TLE7: variants seen among roughly 807,000 people sequenced by gnomAD.
TLE7 encodes transducin-like enhancer protein 7.
At chr16:71,433,485 G>T in intron 1 of TLE7, 65 bp from the exon 2 acceptor site, 1 of 396,964 alleles carries the variant, frequency 2.5e-6, no homozygotes, top group East Asian at 3.6e-5. Flanking sequence ...TTTAGAAGGG[G>T]CAGAGAATGT....
At chr16:71,435,704 C>G (rs1452388343) in intron 1 of TLE7, among the ~76,000 whole-genome samples, 1 of 152,184 alleles carries the variant, frequency 6.6e-6, no homozygotes, top group Admixed American at 6.5e-5. Context: ...GACATTCAAA[C>G]CTATGTTAAA....
At chr16:71,436,820 A>AGGAACACTCTCTTTG (rs1261177561) in intron 1 of TLE7, among the ~76,000 whole-genome samples, 2 of 152,224 alleles carry the variant, frequency 1.3e-5, no homozygotes, top group African/African-American at 4.8e-5. Flanking sequence ...GCAAAGACTG[A>AGGAACACTCTCTTTG]GGAACACTCT....
rs1006246031 is a variant in TLE7 at position 71,432,912 on chromosome 16, G to C, written c.312-20C>G. The stretch of plus-strand genomic sequence containing the variant: ...AGGAAGCTACAACACATGGAGAGAG[G>C]GAGGGAGGAGACAGAGTGTGAGCCA... On this transcript the variant is annotated intron_variant, in intron 2 of 9. Transcript: ENST00000561754. 4.3e-5 allele frequency: 17 copies of C among 398,900 alleles called. No individual in the cohort carries two copies. Among genetic ancestry groups the C allele is most frequent in the Non-Finnish European group, 1.3e-5 (3 of 226,436 alleles). 24.7% of individuals were successfully genotyped at this position (398,900 alleles called of 1,614,324 possible). A position where few individuals can be genotyped will look rare whatever the true frequency, so the allele number is the denominator to read the frequency against.
At chr16:71,437,824 C>CT (rs2042832215) in intron 1 of TLE7, among the ~76,000 whole-genome samples, 1 of 152,196 alleles carries the variant, frequency 6.6e-6, no homozygotes, top group Admixed American at 6.5e-5. Flanking sequence ...ACAGAGGAAT[C>CT]TTTTACCACC....
intron 8 of TLE7, 145 bp downstream of exon 8, chr16:71,430,976 T>A: frequency 2.5e-6 from 1 of 399,184 alleles, no homozygotes; most frequent in Non-Finnish European, 4.4e-6. Flanking sequence ...CTCTTCAGTC[T>A]GCCTGAGTCT....
intron 1 of TLE7, among the ~76,000 whole-genome samples, chr16:71,439,132 T>C (rs919869604): frequency 6.6e-6 from 1 of 152,006 alleles, no homozygotes; most frequent in South Asian, 2.1e-4. Flanking sequence ...AATTCCCTCT[T>C]TGAAGGGAAA....
intron 1 of TLE7, among the ~76,000 whole-genome samples, chr16:71,436,138 A>AC (rs1387300869): frequency 1.3e-5 from 2 of 151,382 alleles, no homozygotes; most frequent in Admixed American, 6.6e-5. Context: ...GCTCACTCAA[A>AC]CCCCCCATGG....
At chr16:71,439,952 C>G (rs896097569) in intron 1 of TLE7, among the ~76,000 whole-genome samples, 16 of 152,146 alleles carry the variant, frequency 1.1e-4, no homozygotes, top group African/African-American at 3.9e-4. Flanking sequence ...AAGAAACAAC[C>G]CAAGTGTCCC....
rs2042800781 is a variant in TLE7 at position 71,431,073 on chromosome 16, C to T, written c.1147+48G>A. On this transcript the variant is annotated intron_variant, in intron 8 of 9. Transcript: ENST00000561754. This position sits in a 1 kb window ranked among gnomAD's most constrained non-coding sequence, Gnocchi z 4.5. ...TGAACAGAGAAAGAAGAGACGACAGCAAGTTCAAAATCGGACACCCAGAGG... is the reference window on the plus strand; with the variant it reads ...TGAACAGAGAAAGAAGAGACGACAGTAAGTTCAAAATCGGACACCCAGAGG... 7.5e-6 allele frequency: 3 copies of T among 400,704 alleles called. No individual in the cohort carries two copies. The East Asian group carries it at 1.1e-4, about 14-fold the overall frequency. The allele number at this position is 400,704 out of a possible 1,614,324, so 24.8% of individuals were successfully genotyped here.
At position 71,431,846 on chromosome 16, in the gene TLE7, C is replaced by T. The variant is rs1003282972; in HGVS notation, c.766G>A (p.Ala256Thr). ...CAGATATGGGCATCAGAGGAGACAG[C>T]CAGAGAATAGCACGTGGGGCCCGTC... ...TSTGPTCYSLAVSSDAHICLA... is the reference protein window; with the variant it reads ...TSTGPTCYSLTVSSDAHICLA... The change falls in exon 6 of 10, where the codon GCT (alanine) becomes ACT (threonine). Residue 256 changes from alanine (A) to threonine (T), a missense_variant. Ala to Thr is a moderately conservative substitution (Grantham distance 58). Coordinates refer to ENST00000561754, the MANE Select transcript of TLE7 (RefSeq NM_001367365.2). This position sits in a 1 kb window ranked among gnomAD's most constrained non-coding sequence, Gnocchi z 4.5. 4 of 400,656 alleles carry T rather than the reference C, an allele frequency of 1.0e-5. No individual in the cohort carries two copies. The highest frequency in any genetic ancestry group is 2.1e-5 in the African/African-American group (1 of 48,680). The allele number at this position is 400,656 out of a possible 1,614,324, so 24.8% of individuals were successfully genotyped here. A position where few individuals can be genotyped will look rare whatever the true frequency, so the allele number is the denominator to read the frequency against.
rs141786069 is a variant in TLE7, at chr16:71,437,461, G to GGAGAAGAGAA, written c.-96-4051_-96-4042dup. Reference sequence around the variant, plus strand: ...AAGGAAGGAAGAAAGGAAAGAGAAGGGAGAAGAGAAGAGAAGAGAAGAGAA... The same window carrying GGAGAAGAGAA: ...AAGGAAGGAAGAAAGGAAAGAGAAGGGAGAAGAGAAGAGAAGAGAAGAGAAGAGAAGAGAA... On this transcript the variant is annotated intron_variant, in intron 1 of 9. Coordinates refer to ENST00000561754, the MANE Select transcript of TLE7 (RefSeq NM_001367365.2). Among the ~76,000 whole-genome samples the GGAGAAGAGAA allele has an allele frequency of 8.9e-3, 1,340 of 150,730 alleles. 4 individuals are homozygous for GGAGAAGAGAA. The highest frequency in any genetic ancestry group is 0.021 in the Middle Eastern group (6 of 288).
chr16:71,433,608 T>C (rs556152533), intron 1 of TLE7, among the ~76,000 whole-genome samples, 188 bp from the exon 2 acceptor site: 6 of 152,338 alleles, frequency 3.9e-5, no homozygotes, highest in Admixed American at 1.3e-4. Context: ...GAGATGTTAG[T>C]GCCAGGCATT....
chr16:71,436,914 A>T (rs2042828466), intron 1 of TLE7, among the ~76,000 whole-genome samples: 1 of 152,200 alleles, frequency 6.6e-6, no homozygotes, highest in Admixed American at 6.5e-5. Flanking sequence ...AGTGTGGTGG[A>T]CCCACTCCCA....
intron 4 of TLE7, 119 bp downstream of exon 4, chr16:71,432,546 A>C: frequency 2.5e-6 from 1 of 398,060 alleles, no homozygotes; most frequent in Non-Finnish European, 4.4e-6. Context: ...GCTCAAAAGG[A>C]GCAGGAGCCC....
chr16:71,438,424 C>CA (rs11383356), intron 1 of TLE7, among the ~76,000 whole-genome samples: 20,579 of 82,796 alleles, frequency 0.25, 2,872 homozygotes, highest in South Asian at 0.49. Flanking sequence ...GACTCCATCT[C>CA]AAAAAAAAAA....
chr16:71,435,464 T>C (rs1170255264), intron 1 of TLE7, among the ~76,000 whole-genome samples: 1 of 152,188 alleles, frequency 6.6e-6, no homozygotes, highest in Non-Finnish European at 1.5e-5. Context: ...CATACATTGA[T>C]ATGGAATATT....
intron 1 of TLE7, among the ~76,000 whole-genome samples, chr16:71,435,091 T>C (rs2042821147): frequency 6.6e-6 from 1 of 152,140 alleles, no homozygotes; most frequent in Admixed American, 6.5e-5. Context: ...TATAGCCATA[T>C]GGTAGAATGG....
At chr16:71,441,153 G>A (rs1249580503) in intron 1 of TLE7, among the ~76,000 whole-genome samples, 3 of 152,326 alleles carry the variant, frequency 2.0e-5, no homozygotes, top group Admixed American at 2.0e-4. Flanking sequence ...GGAGCCCGCC[G>A]GCAACTTTCC....
intron 1 of TLE7, among the ~76,000 whole-genome samples, chr16:71,434,852 C>T (rs2042820237): frequency 6.6e-6 from 1 of 152,130 alleles, no homozygotes; most frequent in Non-Finnish European, 1.5e-5. Flanking sequence ...GACCTTTAAC[C>T]TAGTACTTCC....
Sources: allele counts gnomAD v4.1 joint callset (sites outside exome capture counted in the v4.1 genomes callset), GRCh38; gene constraint gnomAD v4.1.1; non-coding constraint Gnocchi (gnomAD v3.1); transcripts MANE v1.5; gene names NCBI Gene and HGNC (gene_info 2026-07-23, HGNC 2026-07-21).